The following UGGT2 variants were observed in gnomAD, a reference collection of about 807,000 sequenced individuals.
UGGT2 encodes the protein UDP-glucose:glycoprotein glucosyltransferase 2.
A neutral mutation model predicts 192.1 loss-of-function variants in UGGT2; 180 were observed. That is an observed-to-expected ratio of 0.94 (90% CI 0.83 to 1.06). UGGT2 has a LOEUF of 1.06. Ranked by LOEUF, UGGT2 falls within the 50% of genes least tolerant of loss-of-function variation. The probability of loss-of-function intolerance (pLI) is 0.00; values close to 1 mark genes in which losing one functional copy is unlikely to be tolerated. For synonymous variants in UGGT2, 580 were observed against 591.0 expected (o/e 0.98, Z 0.27); for missense variants, 1,849 against 1,795.7 (o/e 1.03, Z -0.54).
At chr13:95,846,930 T>C (rs1275756773) in intron 36 of UGGT2, among the ~76,000 whole-genome samples, 2 of 152,178 alleles carry the variant, frequency 1.3e-5, no homozygotes, top group Non-Finnish European at 2.9e-5. Flanking sequence ...ATTGGTAATT[T>C]GTGTCTTTTA....
At position 95,970,030 on chromosome 13, in the gene UGGT2, A is replaced by T. The variant is rs553302571; in HGVS notation, c.1335+82T>A. 5.6e-4 allele frequency: 783 copies of T among 1,387,772 alleles called. 5 individuals carry two copies. The highest frequency in any genetic ancestry group is 4.5e-3 in the South Asian group (347 of 77,540). The allele number at this position is 1,387,772 out of a possible 1,614,324, so 86.0% of individuals were successfully genotyped here. ...CTGTTCCAAAATGCTGACATTTATC[A>T]TCAGGCCTGCCGATACTTCATTTTA... On this transcript the variant is annotated intron_variant, in intron 12 of 38. Transcript: ENST00000376747.
chr13:95,814,356 A>G (rs1366505323), intron 38 of UGGT2, among the ~76,000 whole-genome samples: 1 of 152,216 alleles, frequency 6.6e-6, no homozygotes, highest in Non-Finnish European at 1.5e-5. Flanking sequence ...CCCACCCTTC[A>G]TATCAGTGTA....
At chr13:95,958,594 C>CTTT (rs747029590) in intron 12 of UGGT2, among the ~76,000 whole-genome samples, 3 of 131,296 alleles carry the variant, frequency 2.3e-5, no homozygotes, top group Non-Finnish European at 3.3e-5. Context: ...CCCTTAAGAT[C>CTTT]TTTTTTTTTT....
intron 38 of UGGT2, 115 bp downstream of exon 38, chr13:95,832,812 T>G: frequency 6.8e-7 from 1 of 1,474,990 alleles, no homozygotes; most frequent in Non-Finnish European, 9.3e-7. Context: ...GCCACAGACT[T>G]TCTTAAAGAA....
chr13:96,010,409 A>G (rs1263947132), intron 5 of UGGT2, among the ~76,000 whole-genome samples: 1 of 152,204 alleles, frequency 6.6e-6, no homozygotes, highest in African/African-American at 2.4e-5. Flanking sequence ...CATGTACACC[A>G]GAACTTAAAA....
At chr13:95,858,979 C>A (rs1408014887) in intron 33 of UGGT2, among the ~76,000 whole-genome samples, 1 of 152,094 alleles carries the variant, frequency 6.6e-6, no homozygotes, top group African/African-American at 2.4e-5. Flanking sequence ...GAATGAGACA[C>A]CAAATTGCTG....
At chr13:95,884,083 A>AC (rs2047573434) in intron 27 of UGGT2, among the ~76,000 whole-genome samples, 3 of 148,998 alleles carry the variant, frequency 2.0e-5, no homozygotes, top group African/African-American at 7.4e-5. Context: ...AAAAAAAAAA[A>AC]AAACCAACAA....
chr13:95,915,908 A>G (rs2048667717), intron 20 of UGGT2, among the ~76,000 whole-genome samples: 1 of 152,150 alleles, frequency 6.6e-6, no homozygotes, highest in African/African-American at 2.4e-5. Context: ...TCTTCCTGAG[A>G]CAGAGTTCCC....
intron 27 of UGGT2, among the ~76,000 whole-genome samples, chr13:95,881,824 TAG>T (rs1262382016): frequency 6.6e-6 from 1 of 152,166 alleles, no homozygotes; most frequent in Non-Finnish European, 1.5e-5. Context: ...GAAATATAAT[TAG>T]AGAGTCTTTT....
intron 1 of UGGT2, among the ~76,000 whole-genome samples, chr13:96,051,561 A>G (rs1414539608): frequency 6.6e-6 from 1 of 152,134 alleles, no homozygotes; most frequent in Admixed American, 6.5e-5. Context: ...ACAACCCACA[A>G]AACGGGAGAA....
At chr13:96,018,214 A>T (rs532481010) in intron 4 of UGGT2, among the ~76,000 whole-genome samples, 9 of 152,166 alleles carry the variant, frequency 5.9e-5, no homozygotes, top group Non-Finnish European at 1.0e-4. Context: ...TTATAGACAT[A>T]ATACGAAAAT....
At chr13:95,977,827 T>C (rs1490787832) in intron 10 of UGGT2, among the ~76,000 whole-genome samples, 4 of 152,044 alleles carry the variant, frequency 2.6e-5, no homozygotes, top group Non-Finnish European at 5.9e-5. Flanking sequence ...ATAAAGAAAA[T>C]GTGGCACATG....
intron 20 of UGGT2, among the ~76,000 whole-genome samples, chr13:95,919,835 A>T (rs2048792616): frequency 6.6e-6 from 1 of 152,236 alleles, no homozygotes; most frequent in African/African-American, 2.4e-5. Flanking sequence ...GACATTCTTC[A>T]CATATTTAGA....
At chr13:95,925,601 A>G in intron 20 of UGGT2, 79 bp downstream of exon 20, 2 of 960,306 alleles carry the variant, frequency 2.1e-6, no homozygotes, top group South Asian at 5.8e-5. Context: ...AGGGGAAAAT[A>G]TTTAATGTAT....
chr13:96,022,815 T>C (rs1265392929), intron 4 of UGGT2, among the ~76,000 whole-genome samples: 1 of 152,038 alleles, frequency 6.6e-6, no homozygotes, highest in African/African-American at 2.4e-5. Flanking sequence ...TATGCTTATA[T>C]GAAACATTTC....
rs780569229 is a variant in UGGT2 at position 95,903,076 on chromosome 13, T to C, written c.2296-16A>G. 14 of 1,600,076 alleles carry C rather than the reference T, an allele frequency of 8.7e-6. No homozygotes were observed. The highest frequency in any genetic ancestry group is 2.2e-5 in the East Asian group (1 of 44,708). On this transcript the variant is annotated splice_polypyrimidine_tract_variant and intron_variant, in intron 20 of 38. Coordinates refer to ENST00000376747, the MANE Select transcript of UGGT2 (RefSeq NM_020121.4). Reference sequence around the variant, plus strand: ...CACTTGTTTTCTGCAAACATATTTATAGATTAAAAAGACCAGTATCATACA... The same window carrying C: ...CACTTGTTTTCTGCAAACATATTTACAGATTAAAAAGACCAGTATCATACA...
intron 30 of UGGT2, among the ~76,000 whole-genome samples, chr13:95,865,069 C>T (rs1032006537): frequency 1.3e-5 from 2 of 151,990 alleles, no homozygotes; most frequent in African/African-American, 4.8e-5. Flanking sequence ...CAGTGACCCA[C>T]TTTTCCTTCT....
At chr13:96,024,515 T>G (rs1429410637) in intron 2 of UGGT2, among the ~76,000 whole-genome samples, 1 of 152,186 alleles carries the variant, frequency 6.6e-6, no homozygotes, top group Non-Finnish European at 1.5e-5. Context: ...TTTTCCTTTC[T>G]CTACTCTTCC....
At chr13:95,875,227 A>T (rs1402293707) in intron 29 of UGGT2, among the ~76,000 whole-genome samples, 1 of 152,162 alleles carries the variant, frequency 6.6e-6, no homozygotes, top group Non-Finnish European at 1.5e-5. Context: ...ACTTATCCAT[A>T]TATCTTCTTT....
Sources: gnomAD v4.1 joint callset for allele counts (sites outside exome capture counted in the v4.1 genomes callset) on GRCh38, gnomAD v4.1.1 for gene constraint, MANE v1.5 for transcripts, NCBI Gene and HGNC (gene_info 2026-07-23, HGNC 2026-07-21) for gene names.